The following ZNF385D variants were observed in gnomAD, a reference collection of about 807,000 sequenced individuals.
The protein encoded by ZNF385D is zinc finger protein 385D.
Under a neutral mutation model 35.8 loss-of-function variants are expected in ZNF385D, and 15 were observed. The ratio of observed to expected loss-of-function variants is 0.42; its 90% CI spans 0.28 to 0.64. The LOEUF (loss-of-function observed/expected upper bound fraction) is 0.64, where lower values mean the gene tolerates loss of function less well. Ranked by LOEUF, ZNF385D falls within the 30% of genes least tolerant of loss-of-function variation. The pLI, the probability that ZNF385D is intolerant of heterozygous loss-of-function variation, is 0.23. For synonymous variants in ZNF385D, 212 were observed against 186.8 expected, an observed-to-expected ratio of 1.13 and a Z score of -1.10; for missense variants, 474 against 494.6, an observed-to-expected ratio of 0.96 and a Z score of 0.39.
intron 4 of ZNF385D, among the ~76,000 whole-genome samples, chr3:21,500,151 T>TA: frequency 6.6e-6 from 1 of 152,324 alleles, no homozygotes; most frequent in East Asian, 1.9e-4. Flanking sequence ...CTACACTGGT[T>TA]AATACCTTTG....
intron 3 of ZNF385D, among the ~76,000 whole-genome samples, chr3:22,027,818 A>C (rs562421463): frequency 6.6e-6 from 1 of 152,156 alleles, no homozygotes; most frequent in African/African-American, 2.4e-5. Flanking sequence ...GCCTGCAACA[A>C]TGGCCTCATG....
intron 3 of ZNF385D, among the ~76,000 whole-genome samples, chr3:21,988,529 C>T (rs1168813829): frequency 6.9e-6 from 1 of 145,682 alleles, no homozygotes; most frequent in Admixed American, 6.8e-5. Context: ...TGCCCGTTCT[C>T]AGATCTCCAG....
chr3:22,216,074 T>C (rs911862583), intron 2 of ZNF385D, among the ~76,000 whole-genome samples: 9 of 151,998 alleles, frequency 5.9e-5, no homozygotes, highest in Non-Finnish European at 7.4e-5. Context: ...CCTACTGACT[T>C]CTTCTCCCTT....
At chr3:22,015,917 A>T (rs1173227803) in intron 3 of ZNF385D, among the ~76,000 whole-genome samples, 13 of 152,070 alleles carry the variant, frequency 8.5e-5, no homozygotes, top group Non-Finnish European at 2.9e-5. Flanking sequence ...AAAAAAAGAC[A>T]TCTTTTTTCT....
intron 3 of ZNF385D, among the ~76,000 whole-genome samples, chr3:21,855,867 T>A (rs1696685226): frequency 6.6e-6 from 1 of 152,008 alleles, no homozygotes; most frequent in African/African-American, 2.4e-5. Context: ...TCCTATGATT[T>A]TTTTTTTAGT....
At chr3:22,365,105 G>A (rs1388040990) in intron 2 of ZNF385D, among the ~76,000 whole-genome samples, 3 of 151,922 alleles carry the variant, frequency 2.0e-5, no homozygotes, top group Non-Finnish European at 4.4e-5. Context: ...GGAAGAATGG[G>A]GAACAACTGT....
chr3:21,517,507 G>A (rs753031510), intron 3 of ZNF385D, among the ~76,000 whole-genome samples: 43 of 152,060 alleles, frequency 2.8e-4, no homozygotes, highest in African/African-American at 1.0e-3. Flanking sequence ...TCTTATTACT[G>A]TCTGTGTGTG....
intron 3 of ZNF385D, among the ~76,000 whole-genome samples, chr3:21,516,622 T>G (rs565847944): frequency 3.2e-4 from 48 of 152,248 alleles, no homozygotes; most frequent in African/African-American, 1.1e-3. Flanking sequence ...TTTATATACT[T>G]TTTTCCTTGT....
intron 3 of ZNF385D, among the ~76,000 whole-genome samples, chr3:22,061,051 C>T (rs1322132527): frequency 6.6e-6 from 1 of 152,008 alleles, no homozygotes; most frequent in Non-Finnish European, 1.5e-5. Context: ...TTCTCATTCT[C>T]TGAGGGCAGT....
intron 3 of ZNF385D, among the ~76,000 whole-genome samples, chr3:22,030,285 A>ATATATATATGTATG (rs1559316601): frequency 1.5e-4 from 13 of 86,728 alleles, no homozygotes; most frequent in East Asian, 8.5e-4. Context: ...ATATATATAT[A>ATATATATATGTATG]TATATATATA....
rs568516464 is a variant in ZNF385D at position 22,203,106 on chromosome 3, G to A, written c.107-34071C>T. ...TACTCCTCCCTCAATCCCAGGCAGT[G>A]CAGCTCACAGCTCCAAAAGATAACG... On this transcript the variant is annotated intron_variant, in intron 2 of 5. Coordinates refer to the ZNF385D transcript ENST00000494108. Among the ~76,000 whole-genome samples the A allele has an allele frequency of 1.4e-4, 21 of 152,178 alleles. 1 individual carries two copies. In the South Asian group the frequency reaches 4.4e-3, roughly 32 times the overall value.
chr3:21,692,986 G>T (rs1004447958), intron 1 of ZNF385D, among the ~76,000 whole-genome samples: 2 of 152,008 alleles, frequency 1.3e-5, no homozygotes, highest in Non-Finnish European at 2.9e-5. Flanking sequence ...TTATTTATTG[G>T]ACATTTATTG....
At chr3:21,641,061 C>T (rs908897223) in intron 2 of ZNF385D, among the ~76,000 whole-genome samples, 1 of 152,034 alleles carries the variant, frequency 6.6e-6, no homozygotes, top group Non-Finnish European at 1.5e-5. Flanking sequence ...TGGATGCCCA[C>T]CTTTATGTAG....
intron 3 of ZNF385D, among the ~76,000 whole-genome samples, chr3:21,821,103 T>C (rs957396843): frequency 2.0e-5 from 3 of 152,038 alleles, no homozygotes; most frequent in Non-Finnish European, 2.9e-5. Flanking sequence ...AAATTGATAA[T>C]TGTAATTTTA....
chr3:22,154,335 T>C (rs1159639254), intron 3 of ZNF385D, among the ~76,000 whole-genome samples: 2 of 152,152 alleles, frequency 1.3e-5, no homozygotes, highest in African/African-American at 4.8e-5. Flanking sequence ...TGCTACATCA[T>C]TAAGTCAAAC....
At chr3:21,878,034 A>G (rs1414773929) in intron 3 of ZNF385D, 1 of 152,006 alleles carries the variant, frequency 6.6e-6, no homozygotes, top group Non-Finnish European at 1.5e-5. Context: ...CCATTTTAAG[A>G]TGCTGATCTT....
At chr3:22,050,098 GC>G (rs1699252020) in intron 3 of ZNF385D, among the ~76,000 whole-genome samples, 1 of 152,066 alleles carries the variant, frequency 6.6e-6, no homozygotes, top group Non-Finnish European at 1.5e-5. Context: ...GGGTGCAGTG[GC>G]TCATGCCTGT....
At chr3:21,770,724 C>T (rs897280496) in intron 3 of ZNF385D, among the ~76,000 whole-genome samples, 4 of 152,124 alleles carry the variant, frequency 2.6e-5, no homozygotes, top group Admixed American at 2.6e-4. Context: ...TTTGACCCAG[C>T]CATCCCATTA....
intron 3 of ZNF385D, among the ~76,000 whole-genome samples, chr3:21,827,509 A>G (rs1308498450): frequency 6.6e-6 from 1 of 152,194 alleles, no homozygotes; most frequent in Admixed American, 6.5e-5. Context: ...TACTGGTTTA[A>G]GTTTACTTAT....
Sources: gnomAD v4.1 joint callset for allele counts (sites outside exome capture counted in the v4.1 genomes callset) on GRCh38, gnomAD v4.1.1 for gene constraint, MANE v1.5 for transcripts, NCBI Gene and HGNC (gene_info 2026-07-23, HGNC 2026-07-21) for gene names.